Variants in DGKI observed in about 807,000 individuals in gnomAD.
DGKI encodes diacylglycerol kinase iota.
Under a neutral mutation model 147.5 loss-of-function variants are expected in DGKI, and 55 were observed. The ratio of observed to expected loss-of-function variants is 0.37; its 90% confidence interval spans 0.30 to 0.47. DGKI has a LOEUF of 0.47. Ranked by LOEUF, DGKI falls within the 20% of genes least tolerant of loss-of-function variation. The pLI, the probability that DGKI is intolerant of heterozygous loss-of-function variation, is 1.00. For synonymous variants in DGKI, 469 were observed against 477.1 expected (o/e 0.98, Z 0.22); for missense variants, 1,007 against 1,323.8 (o/e 0.76, Z 3.71).
rs1041015070 is a variant in DGKI at position 137,707,942 on chromosome 7, G to A, written c.402-17940C>T. Among the ~76,000 whole-genome samples, 20 of 151,792 alleles carry A rather than the reference G, an allele frequency of 1.3e-4. 1 individual carries two copies. The highest frequency in any genetic ancestry group is 3.9e-4 in the African/African-American group (16 of 41,330). ...ATTATTTTGTTTTGTTTTGTTTTTT[G>A]CCTCCAAATCTCCCCAAATTGTGAG... On this transcript the variant is annotated intron_variant, in intron 1 of 32. Transcript: ENST00000614521.
chr7:137,596,594 A>G (rs898995368), intron 12 of DGKI, among the ~76,000 whole-genome samples: 1 of 152,224 alleles, frequency 6.6e-6, no homozygotes, highest in African/African-American at 2.4e-5. Context: ...GGTTTAAAAA[A>G]GTTAAATAGG....
intron 5 of DGKI, among the ~76,000 whole-genome samples, chr7:137,653,931 T>G (rs1563133960): frequency 6.6e-6 from 1 of 152,212 alleles, no homozygotes; most frequent in African/African-American, 2.4e-5. Context: ...GGCTTTTGTT[T>G]CACTGATTAG....
At chr7:137,668,564 G>A (rs1405136119) in intron 3 of DGKI, among the ~76,000 whole-genome samples, 1 of 152,200 alleles carries the variant, frequency 6.6e-6, no homozygotes, top group Non-Finnish European at 1.5e-5. Context: ...TAACTATTCA[G>A]TTCAATCACT....
intron 20 of DGKI, among the ~76,000 whole-genome samples, chr7:137,532,347 C>A (rs531775645): frequency 6.6e-6 from 1 of 152,260 alleles, no homozygotes; most frequent in African/African-American, 2.4e-5. Flanking sequence ...AGCGGCATTA[C>A]ATAAAAGGCA....
At chr7:137,676,405 C>G (rs151115032) in intron 3 of DGKI, among the ~76,000 whole-genome samples, 1 of 151,452 alleles carries the variant, frequency 6.6e-6, no homozygotes, top group East Asian at 1.9e-4. Flanking sequence ...TCTTTTTTTG[C>G]CTTTAATTCA....
chr7:137,572,298 C>T (rs1818820683), intron 18 of DGKI, among the ~76,000 whole-genome samples: 2 of 152,186 alleles, frequency 1.3e-5, no homozygotes, highest in Admixed American at 1.3e-4. Context: ...GAGTTGACAT[C>T]CTGGCTAGAA....
chr7:137,493,257 C>T (rs945411381), intron 21 of DGKI, among the ~76,000 whole-genome samples: 68 of 152,284 alleles, frequency 4.5e-4, no homozygotes, highest in African/African-American at 1.5e-3. Flanking sequence ...ACCAGCCCCA[C>T]ACCCGCCAGT....
chr7:137,427,159 T>G (rs1812849404), intron 28 of DGKI, among the ~76,000 whole-genome samples: 1 of 152,018 alleles, frequency 6.6e-6, no homozygotes, highest in Non-Finnish European at 1.5e-5. Flanking sequence ...AGTAAAGCTC[T>G]CCTCAGCAAA....
At chr7:137,510,537 A>T (rs1234569758) in intron 21 of DGKI, among the ~76,000 whole-genome samples, 1 of 152,280 alleles carries the variant, frequency 6.6e-6, no homozygotes, top group Non-Finnish European at 1.5e-5. Context: ...CAGGCTAGCC[A>T]GATACATCTG....
intron 1 of DGKI, among the ~76,000 whole-genome samples, chr7:137,733,953 A>G (rs758897597): frequency 5.3e-5 from 8 of 152,082 alleles, no homozygotes; most frequent in Non-Finnish European, 1.0e-4. Context: ...CCATTTGAAT[A>G]GGCAACAGTT....
chr7:137,546,184 G>A (rs1052343700), intron 20 of DGKI, among the ~76,000 whole-genome samples: 1 of 152,146 alleles, frequency 6.6e-6, no homozygotes, highest in African/African-American at 2.4e-5. Context: ...CACACGGAAG[G>A]CGCTGGTTCT....
chr7:137,517,330 A>AGAAG lies in DGKI; in HGVS notation c.2248+4535_2248+4536insCTTC, dbSNP rs1816806237. Among the ~76,000 whole-genome samples the AGAAG allele has an allele frequency of 3.0e-5, 4 of 135,496 alleles. No homozygotes were observed. The South Asian group carries it at 1.0e-3, about 34-fold the overall frequency. The allele number at this position is 135,496 out of a possible 152,430, so 88.9% of individuals were successfully genotyped here. On this transcript the variant is annotated intron_variant, in intron 21 of 32. Transcript: ENST00000614521. ...AAGAAAGAAAGAAAGAAAGAAAGAA[A>AGAAG]GAAAGAAAGAGAAAGAAAGAAAGAA...
intron 10 of DGKI, among the ~76,000 whole-genome samples, chr7:137,600,397 G>A (rs918526113): frequency 3.9e-4 from 60 of 152,190 alleles, no homozygotes; most frequent in African/African-American, 1.4e-3. Flanking sequence ...TCTAACCTGT[G>A]TAACTCTGGG....
chr7:137,737,499 C>G lies in DGKI; in HGVS notation c.402-47497G>C, dbSNP rs552688279. On this transcript the variant is annotated intron_variant, in intron 1 of 32. Coordinates refer to ENST00000614521, the MANE Select transcript of DGKI (RefSeq NM_001321708.2). The stretch of plus-strand genomic sequence containing the variant: ...AACCTTGATGATAATGGACTTTAGT[C>G]CCTTCGTTTTATTAAAAAAAAAAAA... Among the ~76,000 whole-genome samples, 6 of 148,102 alleles carry G rather than the reference C, an allele frequency of 4.1e-5. No individual in the cohort carries two copies. The South Asian group carries it at 1.1e-3, about 27-fold the overall frequency.
intron 27 of DGKI, among the ~76,000 whole-genome samples, chr7:137,455,786 A>T (rs1287313809): frequency 2.0e-5 from 3 of 151,972 alleles, no homozygotes; most frequent in African/African-American, 7.3e-5. Context: ...CCCATGCCCG[A>T]TATGACTCCC....
chr7:137,413,236 T>G (rs1812229521), intron 28 of DGKI, among the ~76,000 whole-genome samples: 1 of 138,906 alleles, frequency 7.2e-6, no homozygotes, highest in Admixed American at 7.9e-5. Flanking sequence ...ACTGCCCTCC[T>G]GCCCAGGCGA....
At chr7:137,631,647 G>A (rs771350536) in intron 6 of DGKI, among the ~76,000 whole-genome samples, 1 of 152,086 alleles carries the variant, frequency 6.6e-6, no homozygotes, top group Non-Finnish European at 1.5e-5. Flanking sequence ...CCCATTGTGG[G>A]AGCACTAATC....
intron 6 of DGKI, among the ~76,000 whole-genome samples, chr7:137,634,489 C>T (rs1046829888): frequency 6.6e-6 from 1 of 152,164 alleles, no homozygotes; most frequent in Non-Finnish European, 1.5e-5. Context: ...TGGAGAAATA[C>T]CTGTCCATGA....
Position 137,615,513 on chromosome 7 carries a change from A to G in DGKI, c.993+4311T>C, listed in dbSNP as rs567783663. 2.7e-5 allele frequency among the ~76,000 whole-genome samples: 4 copies of G among 148,030 alleles called. No individual in the cohort carries two copies. The South Asian group carries it at 6.5e-4, about 24-fold the overall frequency. ...TGATAGAATATAGATACATATACATATATGTGTATATGTATGTATGTGTGT... is the reference window on the plus strand; with the variant it reads ...TGATAGAATATAGATACATATACATGTATGTGTATATGTATGTATGTGTGT... On this transcript the variant is annotated intron_variant, in intron 8 of 32. Transcript: ENST00000614521.
Sources: gnomAD v4.1 joint callset for allele counts (sites outside exome capture counted in the v4.1 genomes callset) on GRCh38, gnomAD v4.1.1 for gene constraint, MANE v1.5 for transcripts, NCBI Gene and HGNC (gene_info 2026-07-23, HGNC 2026-07-21) for gene names.